The following EXT2 variants were observed in gnomAD, a reference collection of about 807,000 sequenced individuals.
The protein encoded by EXT2 is exostosin glycosyltransferase 2.
A neutral mutation model predicts 81.6 loss-of-function variants in EXT2; 53 were observed. The ratio of observed to expected loss-of-function variants is 0.65; its 90% CI spans 0.52 to 0.82. The LOEUF is 0.82. EXT2 is among the 40% of genes least tolerant of loss of function. EXT2 has a pLI of 0.00. For missense variants in EXT2, 774 were observed against 910.2 expected, an observed-to-expected ratio of 0.85 and a Z score of 1.93; for synonymous variants, 320 against 340.0, an observed-to-expected ratio of 0.94 and a Z score of 0.65.
chr11:44,213,798 A>G (rs887983738), intron 10 of EXT2, among the ~76,000 whole-genome samples: 1 of 152,222 alleles, frequency 6.6e-6, no homozygotes, highest in African/African-American at 2.4e-5. Flanking sequence ...AGAATGTGGG[A>G]CTGAAGAAAT....
chr11:44,169,310 A>G (rs1955038366), intron 7 of EXT2, among the ~76,000 whole-genome samples: 1 of 152,018 alleles, frequency 6.6e-6, no homozygotes, highest in Non-Finnish European at 1.5e-5. Context: ...ATATTTGACA[A>G]TAATAGCACA....
chr11:44,239,582 A>G (rs1474337933), intron 13 of EXT2, among the ~76,000 whole-genome samples: 1 of 150,798 alleles, frequency 6.6e-6, no homozygotes, highest in African/African-American at 2.4e-5. Flanking sequence ...TTGTAGAGAC[A>G]GGGTTTCACC....
intron 7 of EXT2, among the ~76,000 whole-genome samples, chr11:44,131,213 T>A (rs1246688063): frequency 6.6e-6 from 1 of 152,250 alleles, no homozygotes; most frequent in Non-Finnish European, 1.5e-5. Context: ...GATGCTGTTA[T>A]CTTGTCTTTC....
chr11:44,115,596 T>C (rs772975364), intron 4 of EXT2, among the ~76,000 whole-genome samples: 5 of 152,170 alleles, frequency 3.3e-5, no homozygotes, highest in Admixed American at 2.6e-4. Flanking sequence ...AGGTGACCAA[T>C]AGATAAATTT....
chr11:44,126,998 G>A (rs372915293), intron 6 of EXT2, 43 bp downstream of exon 6: 50 of 1,609,878 alleles, frequency 3.1e-5, no homozygotes, highest in Middle Eastern at 1.7e-4. Context: ...GTGGTTCTGC[G>A]TATATTACAA....
chr11:44,228,306 C>T (rs1407688252), intron 10 of EXT2, among the ~76,000 whole-genome samples: 1 of 152,076 alleles, frequency 6.6e-6, no homozygotes, highest in African/African-American at 2.4e-5. Context: ...TTTCAAATGC[C>T]CACACCACAA....
chr11:44,227,771 T>C (rs536924836), intron 10 of EXT2, among the ~76,000 whole-genome samples: 1 of 152,158 alleles, frequency 6.6e-6, no homozygotes, highest in Non-Finnish European at 1.5e-5. Flanking sequence ...GTAAGAGGTG[T>C]TGAGGACCAA....
intron 8 of EXT2, among the ~76,000 whole-genome samples, chr11:44,195,150 C>T (rs2135178733): frequency 6.6e-6 from 1 of 152,176 alleles, no homozygotes; most frequent in African/African-American, 2.4e-5. Context: ...GATGGCCTTT[C>T]CTGGCCGGGC....
chr11:44,228,185 G>A (rs1288239415), intron 10 of EXT2, among the ~76,000 whole-genome samples: 3 of 152,038 alleles, frequency 2.0e-5, no homozygotes, highest in Non-Finnish European at 2.9e-5. Context: ...AAATAGATGG[G>A]GGCACTATAT....
intron 1 of EXT2, among the ~76,000 whole-genome samples, chr11:44,097,373 G>A (rs1425217493): frequency 1.3e-5 from 2 of 152,148 alleles, no homozygotes; most frequent in African/African-American, 4.8e-5. Flanking sequence ...TATCAAGTAA[G>A]GCAATGAATT....
chr11:44,109,768 C>G (rs1432686664), intron 3 of EXT2, among the ~76,000 whole-genome samples: 1 of 152,184 alleles, frequency 6.6e-6, no homozygotes, highest in African/African-American at 2.4e-5. Context: ...TGCCTGCCTG[C>G]CTTCATTATT....
chr11:44,135,032 A>C (rs1212054474), intron 7 of EXT2, among the ~76,000 whole-genome samples: 2 of 152,242 alleles, frequency 1.3e-5, no homozygotes, highest in African/African-American at 4.8e-5. Flanking sequence ...TTGGTGCTGC[A>C]GAGAAGTACT....
rs1412257288 is a variant in EXT2, at chr11:44,157,334, G to A, written c.1174-14277G>A. Reference sequence around the variant, plus strand: ...TGCAGGACAGCAGGCCTCACCCCTGGCCCAAGTCATGACCAGAAATGCCAT... The same window carrying A: ...TGCAGGACAGCAGGCCTCACCCCTGACCCAAGTCATGACCAGAAATGCCAT... On this transcript the variant is annotated intron_variant, in intron 7 of 13. Transcript: ENST00000533608. Among the ~76,000 whole-genome samples, 8 of 152,252 alleles carry A rather than the reference G, an allele frequency of 5.3e-5. No individual in the cohort carries two copies. The East Asian group carries it at 1.5e-3, about 29-fold the overall frequency.
At chr11:44,112,639 C>T (rs1050423139) in intron 3 of EXT2, among the ~76,000 whole-genome samples, 8 of 152,264 alleles carry the variant, frequency 5.3e-5, no homozygotes, top group Admixed American at 2.6e-4. Flanking sequence ...TAATTGCAGT[C>T]GTGGCTCTTT....
At chr11:44,231,992 G>A (rs1955904374) in intron 10 of EXT2, among the ~76,000 whole-genome samples, 1 of 152,150 alleles carries the variant, frequency 6.6e-6, no homozygotes, top group Admixed American at 6.5e-5. Flanking sequence ...GGGCAGTTGA[G>A]TTGCAGGGTT....
chr11:44,136,571 T>C (rs933360518), intron 7 of EXT2, among the ~76,000 whole-genome samples: 2 of 152,166 alleles, frequency 1.3e-5, no homozygotes, highest in African/African-American at 4.8e-5. Context: ...GCCCTGGAAA[T>C]ATATTATGAG....
chr11:44,235,533 A>G lies in EXT2; in HGVS notation c.1936-760A>G, dbSNP rs190514946. Among the ~76,000 whole-genome samples, 11 of 152,188 alleles carry G rather than the reference A, an allele frequency of 7.2e-5. No individual in the cohort carries two copies. The South Asian group carries it at 1.2e-3, about 17-fold the overall frequency. On this transcript the variant is annotated intron_variant, in intron 12 of 13. Transcript: ENST00000533608. Reference sequence around the variant, plus strand: ...AGTGCTAAGATTACAGGTGTGAGCCACTGTGCCTGGCCCCAAATTTGCTTT... The same window carrying G: ...AGTGCTAAGATTACAGGTGTGAGCCGCTGTGCCTGGCCCCAAATTTGCTTT...
In EXT2 at chr11:44,144,259, C is replaced by G. The variant is rs769743391; in HGVS notation, c.1173+14121C>G. 12 of 1,598,354 alleles carry G rather than the reference C, an allele frequency of 7.5e-6. No individual in the cohort carries two copies. The South Asian group carries it at 1.3e-4, about 18-fold the overall frequency. ...ATTCACCTTTCAGCTCTTCATGGAA[C>G]CAGCCAGGAGAGAGAACTGGTCAGC... On this transcript the variant is annotated intron_variant, in intron 7 of 13. Coordinates refer to ENST00000533608, the MANE Select transcript of EXT2 (RefSeq NM_207122.2).
intron 1 of EXT2, chr11:44,103,662 T>C (rs1954016503): frequency 6.6e-6 from 3 of 451,244 alleles, no homozygotes. Context: ...ATTTTCTTTA[T>C]AGGAAGATTT....
Sources: allele counts gnomAD v4.1 joint callset (sites outside exome capture counted in the v4.1 genomes callset), GRCh38; gene constraint gnomAD v4.1.1; transcripts MANE v1.5; gene names NCBI Gene and HGNC (gene_info 2026-07-23, HGNC 2026-07-21).